The following CCT3 variants were observed in gnomAD, a reference collection of about 807,000 sequenced individuals.
The protein encoded by CCT3 is T-complex protein 1 subunit gamma.
CCT3 carries 10 observed loss-of-function variants against 65.3 expected under a neutral mutation model. The ratio of observed to expected loss-of-function variants is 0.15; its 90% CI spans 0.09 to 0.26. The LOEUF (loss-of-function observed/expected upper bound fraction) is 0.26, where lower values mean the gene tolerates loss of function less well. Ranked by LOEUF, CCT3 falls within the 10% of genes least tolerant of loss-of-function variation. The pLI, the probability that CCT3 is intolerant of heterozygous loss-of-function variation, is 1.00. For synonymous variants in CCT3, 225 were observed against 242.3 expected, an observed-to-expected ratio of 0.93 and a Z score of 0.66; for missense variants, 626 against 708.7, an observed-to-expected ratio of 0.88 and a Z score of 1.33.
At chr1:156,336,133 A>G (rs1665340190) in intron 1 of CCT3, 1 of 396,696 alleles carries the variant, frequency 2.5e-6, no homozygotes, top group African/African-American at 2.1e-5. Context: ...GTATATTAAG[A>G]AATAACTTTG....
rs187754322 is a variant in CCT3, at chr1:156,322,066, T to G, written c.423-1041A>C. ...GAGTTAAAAACCAACCTGGGCAACA[T>G]AGCAAAACCTCATCTCTATGAAAAA... is the stretch of plus-strand genomic sequence containing the variant. On this transcript the variant is annotated intron_variant, in intron 6 of 13. Coordinates refer to ENST00000295688, the MANE Select transcript of CCT3 (RefSeq NM_005998.5). Among the ~76,000 whole-genome samples, 1,036 of 152,170 alleles carry G rather than the reference T, an allele frequency of 6.8e-3. 15 individuals are homozygous for G. Among genetic ancestry groups the G allele is most frequent in the African/African-American group, 0.023 (953 of 41,510 alleles).
At chr1:156,333,727 G>A (rs1381261644) in intron 4 of CCT3, 84 bp from the exon 5 acceptor site, 2 of 946,542 alleles carry the variant, frequency 2.1e-6, no homozygotes, top group African/African-American at 1.6e-5. Context: ...TGGGCTTCTT[G>A]CTTCTATACG....
intron 5 of CCT3, among the ~76,000 whole-genome samples, chr1:156,329,635 G>C (rs1665023234): frequency 6.6e-6 from 1 of 150,434 alleles, no homozygotes; most frequent in Admixed American, 6.6e-5. Flanking sequence ...GCATATTATT[G>C]CATTTTAAAA....
At chr1:156,333,741 T>G in intron 4 of CCT3, 98 bp from the exon 5 acceptor site, 1 of 786,876 alleles carries the variant, frequency 1.3e-6, no homozygotes. Flanking sequence ...CTATACGTAC[T>G]TACTTTCCCT....
rs755013145 is a variant in CCT3, at chr1:156,333,665, G to C, written c.208-22C>G. 10 of 1,577,908 alleles carry C rather than the reference G, an allele frequency of 6.3e-6. 1 individual carries two copies. Among genetic ancestry groups the C allele is most frequent in the Middle Eastern group, 1.7e-4 (1 of 5,978 alleles). Reference sequence around the variant, plus strand: ...GAATCTAAAAAGGTAGATCACTAGTGAATTCACACTATTCAAAGACCTCTG... The same window carrying C: ...GAATCTAAAAAGGTAGATCACTAGTCAATTCACACTATTCAAAGACCTCTG... On this transcript the variant is annotated intron_variant, in intron 4 of 13. Transcript: ENST00000295688.
intron 6 of CCT3, among the ~76,000 whole-genome samples, chr1:156,322,851 C>T (rs1664615254): frequency 6.6e-6 from 1 of 152,028 alleles, no homozygotes; most frequent in African/African-American, 2.4e-5. Flanking sequence ...AAGAGTGAAA[C>T]TCCGTCTCAA....
intron 3 of CCT3, 36 bp from the exon 4 acceptor site, chr1:156,334,811 T>C (rs777991563): frequency 5.0e-6 from 8 of 1,613,604 alleles, no homozygotes; most frequent in East Asian, 2.2e-5. Context: ...TAAAGTGTCC[T>C]AGATAACAGG....
At chr1:156,330,497 C>T (rs1297451378) in intron 5 of CCT3, among the ~76,000 whole-genome samples, 1 of 151,996 alleles carries the variant, frequency 6.6e-6, no homozygotes, top group African/African-American at 2.4e-5. Flanking sequence ...AACCACACCT[C>T]TACTAAAAAT....
At chr1:156,317,645 T>C in intron 8 of CCT3, 98 bp from the exon 9 acceptor site, 3 of 1,146,040 alleles carry the variant, frequency 2.6e-6, no homozygotes, top group Non-Finnish European at 3.7e-6. Flanking sequence ...CCCACGTATC[T>C]CAGAGTCAGA....
Position 156,311,231 on chromosome 1 carries a change from T to C in CCT3, c.1156-36A>G, listed in dbSNP as rs763939825. On this transcript the variant is annotated intron_variant, in intron 11 of 13. Transcript: ENST00000295688. ...CAAACAGACAGTATGAAGCCAAAGCTTGATGACTCATAAAATCGGAGGCAC... is the reference window on the plus strand; with the variant it reads ...CAAACAGACAGTATGAAGCCAAAGCCTGATGACTCATAAAATCGGAGGCAC... 12 of 1,591,968 alleles carry C rather than the reference T, an allele frequency of 7.5e-6. No homozygotes were observed. The East Asian group carries it at 9.0e-5, about 12-fold the overall frequency.
chr1:156,324,751 C>T (rs1161873640), intron 6 of CCT3, among the ~76,000 whole-genome samples: 1 of 152,076 alleles, frequency 6.6e-6, no homozygotes, highest in African/African-American at 2.4e-5. Context: ...CCTCAGCCTC[C>T]CAAGTAGCTG....
intron 7 of CCT3, 61 bp downstream of exon 7, chr1:156,320,778 C>T (rs1020785870): frequency 2.4e-5 from 28 of 1,174,490 alleles, no homozygotes; most frequent in Non-Finnish European, 3.5e-5. Context: ...TATTTCCTCA[C>T]AAGTGAGATG....
Position 156,309,190 on chromosome 1 carries a change from GC to G in CCT3, c.*8del. ...TGGTTCTGTGCATTGAAGTAGCCTT[GC>G]CTAGCACTCACTCCTGGCCAGCATC... On this transcript the variant is annotated 3_prime_UTR_variant, in exon 14 of 14. Coordinates refer to ENST00000295688, the MANE Select transcript of CCT3 (RefSeq NM_005998.5). 6.3e-7 allele frequency: 1 copy of G among 1,575,032 alleles called. No homozygotes were observed.
In CCT3 at chr1:156,320,764, AGACT is replaced by A. The variant is rs1664517979; in HGVS notation, c.609+71_609+74del. The A allele has an allele frequency of 3.7e-6, 4 of 1,080,298 alleles. No homozygotes were observed. In the African/African-American group the frequency reaches 6.3e-5, roughly 17 times the overall value. The allele number at this position is 1,080,298 out of a possible 1,614,324, so 66.9% of individuals were successfully genotyped here. A position where few individuals can be genotyped will look rare whatever the true frequency, so the allele number is the denominator to read the frequency against. ...AAAACAAAACAACGGCATGAAAAAC[AGACT>A]ATTTCCTCACAAGTGAGATGACTCA... On this transcript the variant is annotated intron_variant, in intron 7 of 13. Coordinates refer to ENST00000295688, the MANE Select transcript of CCT3 (RefSeq NM_005998.5).
chr1:156,321,247 A>C (rs1353234957), intron 6 of CCT3, among the ~76,000 whole-genome samples: 1 of 152,208 alleles, frequency 6.6e-6, no homozygotes, highest in Admixed American at 6.6e-5. Context: ...TAATTCCCTG[A>C]GCAACCCTTT....
chr1:156,327,760 T>C (rs1465733242), intron 5 of CCT3, among the ~76,000 whole-genome samples: 1 of 149,212 alleles, frequency 6.7e-6, no homozygotes, highest in Admixed American at 6.7e-5. Flanking sequence ...TCGTCTGGGA[T>C]GTGAGGAGCC....
intron 1 of CCT3, among the ~76,000 whole-genome samples, 170 bp downstream of exon 1, chr1:156,337,984 G>A (rs903301884): frequency 1.3e-5 from 2 of 152,156 alleles, no homozygotes; most frequent in Admixed American, 6.5e-5. Context: ...GCAGAGAAGC[G>A]AACAGGTTAA....
intron 10 of CCT3, among the ~76,000 whole-genome samples, chr1:156,316,015 AG>A (rs1459397242): frequency 6.8e-6 from 1 of 146,210 alleles, no homozygotes; most frequent in Admixed American, 6.8e-5. Context: ...TCAAGCAAGG[AG>A]GAAGGCGAAT....
chr1:156,315,919 A>C (rs1664292156), intron 10 of CCT3, among the ~76,000 whole-genome samples: 1 of 152,188 alleles, frequency 6.6e-6, no homozygotes, highest in Admixed American at 6.5e-5. Context: ...TATACTATAT[A>C]ATGGTAACTT....
Sources: allele counts gnomAD v4.1 joint callset (sites outside exome capture counted in the v4.1 genomes callset), GRCh38; gene constraint gnomAD v4.1.1; transcripts MANE v1.5; gene names NCBI Gene and HGNC (gene_info 2026-07-23, HGNC 2026-07-21).